Variants in MALRD1 observed in about 807,000 individuals in gnomAD.
The protein encoded by MALRD1 is MAM and LDL receptor class A domain containing 1.
A neutral mutation model predicts 242.1 loss-of-function variants in MALRD1; 247 were observed. That is an observed-to-expected ratio of 1.02 (90% CI 0.92 to 1.13). The LOEUF is 1.13. MALRD1 is among the 50% of genes most tolerant of loss of function. The pLI is 0.00. For missense variants in MALRD1, 2,989 were observed against 2,533.1 expected (o/e 1.18, Z -3.86); for synonymous variants, 995 against 866.6 (o/e 1.15, Z -2.60).
At chr10:19,558,147 G>C (rs900938418) in intron 32 of MALRD1, among the ~76,000 whole-genome samples, 1 of 151,890 alleles carries the variant, frequency 6.6e-6, no homozygotes, top group African/African-American at 2.4e-5. Flanking sequence ...AAGTTTTTTG[G>C]TTGATTATTG....
At position 19,662,376 on chromosome 10, in the gene MALRD1, A is replaced by T. The variant is rs770035517; in HGVS notation, c.6138-29906A>T. ...GGAGATTAGGAAGCACAGTAATTTC[A>T]TTACAGAACAGCAGGTTGCAGAAGC... On this transcript the variant is annotated intron_variant, in intron 36 of 39. Coordinates refer to ENST00000454679, the MANE Select transcript of MALRD1 (RefSeq NM_001142308.3). 2.2e-4 allele frequency among the ~76,000 whole-genome samples: 34 copies of T among 152,192 alleles called. 1 individual carries two copies. Among genetic ancestry groups the T allele is most frequent in the Non-Finnish European group, 4.7e-4 (32 of 68,024 alleles).
At chr10:19,719,873 G>C (rs1037093779) in intron 38 of MALRD1, among the ~76,000 whole-genome samples, 3 of 151,512 alleles carry the variant, frequency 2.0e-5, no homozygotes, top group African/African-American at 7.2e-5. Flanking sequence ...GACAGGAATA[G>C]AGACCATTAG....
chr10:19,521,391 C>A (rs1330086699), intron 31 of MALRD1, among the ~76,000 whole-genome samples: 1 of 151,574 alleles, frequency 6.6e-6, no homozygotes, highest in African/African-American at 2.4e-5. Flanking sequence ...TGATCTTAAC[C>A]AAAAAAAGAC....
intron 24 of MALRD1, among the ~76,000 whole-genome samples, chr10:19,331,786 G>A (rs34876205): frequency 0.12 from 18,947 of 152,188 alleles, 1,219 homozygotes; most frequent in South Asian, 0.15. Flanking sequence ...ATGGCTGTGT[G>A]TGTGTATGTG....
chr10:19,076,085 CA>C (rs1835307845), intron 2 of MALRD1, among the ~76,000 whole-genome samples: 1 of 151,856 alleles, frequency 6.6e-6, no homozygotes, highest in African/African-American at 2.4e-5. Context: ...TACATGGTTC[CA>C]GTTCCTCCAG....
At chr10:19,700,985 A>C (rs752188877) in intron 38 of MALRD1, among the ~76,000 whole-genome samples, 1 of 151,972 alleles carries the variant, frequency 6.6e-6, no homozygotes, top group African/African-American at 2.4e-5. Flanking sequence ...CCACCTCTAC[A>C]AAAAAATACA....
chr10:19,294,022 A>C (rs939845991), intron 21 of MALRD1, among the ~76,000 whole-genome samples: 1 of 152,196 alleles, frequency 6.6e-6, no homozygotes, highest in Non-Finnish European at 1.5e-5. Flanking sequence ...TAGGTAGCAT[A>C]CTTGCTGTAC....
intron 36 of MALRD1, among the ~76,000 whole-genome samples, chr10:19,658,940 G>GAGCC (rs1360175180): frequency 2.6e-5 from 4 of 152,244 alleles, no homozygotes; most frequent in African/African-American, 9.6e-5. Flanking sequence ...AAAATCAATT[G>GAGCC]AGCCAGACGT....
intron 2 of MALRD1, among the ~76,000 whole-genome samples, chr10:19,081,124 A>G (rs922664113): frequency 6.6e-6 from 1 of 152,042 alleles, no homozygotes; most frequent in African/African-American, 2.4e-5. Context: ...AACAGATGCT[A>G]GCCAGGATGC....
chr10:19,339,635 A>G (rs748430617), intron 24 of MALRD1, among the ~76,000 whole-genome samples: 3 of 152,200 alleles, frequency 2.0e-5, no homozygotes, highest in Admixed American at 6.6e-5. Context: ...TGCATAAGTC[A>G]TCTGTATCAT....
At chr10:19,067,899 T>G (rs1173233331) in intron 2 of MALRD1, among the ~76,000 whole-genome samples, 2 of 152,160 alleles carry the variant, frequency 1.3e-5, no homozygotes, top group Admixed American at 1.3e-4. Flanking sequence ...TTAATTTGTT[T>G]GGCTTTAATG....
At chr10:19,407,839 C>T (rs1393284805) in intron 28 of MALRD1, among the ~76,000 whole-genome samples, 1 of 152,120 alleles carries the variant, frequency 6.6e-6, no homozygotes. Flanking sequence ...AGCTATGTTC[C>T]TCCTTTGTAT....
chr10:19,227,269 T>C (rs1463222133), intron 18 of MALRD1, among the ~76,000 whole-genome samples: 1 of 152,010 alleles, frequency 6.6e-6, no homozygotes, highest in Non-Finnish European at 1.5e-5. Flanking sequence ...ACCAGTACAG[T>C]GAACTTACTG....
At chr10:19,684,915 G>C (rs1842516545) in intron 36 of MALRD1, among the ~76,000 whole-genome samples, 1 of 152,134 alleles carries the variant, frequency 6.6e-6, no homozygotes, top group South Asian at 2.1e-4. Flanking sequence ...GACTGAGCAT[G>C]GTATGGAATC....
In MALRD1 at chr10:19,675,255, A is replaced by T. The variant is rs921391301; in HGVS notation, c.6138-17027A>T. Among the ~76,000 whole-genome samples, 7 of 152,164 alleles carry T rather than the reference A, an allele frequency of 4.6e-5. 1 individual carries two copies. Among genetic ancestry groups the T allele is most frequent in the African/African-American group, 1.7e-4 (7 of 41,440 alleles). On this transcript the variant is annotated intron_variant, in intron 36 of 39. Coordinates refer to ENST00000454679, the MANE Select transcript of MALRD1 (RefSeq NM_001142308.3). ...TATAATCTCCTAAGGACAGAATTTG[A>T]TAATATATAAACTGCCTTTTATGAA... is the stretch of plus-strand genomic sequence containing the variant.
At chr10:19,594,063 T>C (rs982403938) in intron 33 of MALRD1, among the ~76,000 whole-genome samples, 1 of 152,222 alleles carries the variant, frequency 6.6e-6, no homozygotes, top group Non-Finnish European at 1.5e-5. Context: ...CCAGATTCCC[T>C]GGGTGGAGGC....
chr10:19,610,597 C>T (rs1175339024), intron 35 of MALRD1, among the ~76,000 whole-genome samples: 1 of 151,948 alleles, frequency 6.6e-6, no homozygotes, highest in Non-Finnish European at 1.5e-5. Flanking sequence ...TATATGCATA[C>T]TTATCTGGGA....
chr10:19,343,907 T>A (rs1843993385), intron 24 of MALRD1, among the ~76,000 whole-genome samples: 1 of 152,116 alleles, frequency 6.6e-6, no homozygotes, highest in Non-Finnish European at 1.5e-5. Flanking sequence ...ATTTGCACTT[T>A]CCCAATAGCT....
At chr10:19,537,255 G>A (rs1463573243) in intron 32 of MALRD1, among the ~76,000 whole-genome samples, 1 of 152,120 alleles carries the variant, frequency 6.6e-6, no homozygotes, top group Non-Finnish European at 1.5e-5. Flanking sequence ...CTGCTATATG[G>A]AAAAGGGCTG....
Sources: gnomAD v4.1 joint callset for allele counts (sites outside exome capture counted in the v4.1 genomes callset) on GRCh38, gnomAD v4.1.1 for gene constraint, MANE v1.5 for transcripts, NCBI Gene and HGNC (gene_info 2026-07-23, HGNC 2026-07-21) for gene names.